Variants in PPP1R14D observed in about 807,000 individuals in gnomAD.
PPP1R14D encodes protein phosphatase 1 regulatory inhibitor subunit 14D, also known as protein phosphatase 1 regulatory subunit 14D.
Under a neutral mutation model 17.1 loss-of-function variants are expected in PPP1R14D, and 14 were observed. That is an observed-to-expected ratio of 0.82 (90% CI 0.54 to 1.28). PPP1R14D has a LOEUF of 1.28. PPP1R14D is among the 50% of genes most tolerant of loss of function. The pLI is 0.00. For synonymous variants in PPP1R14D, 67 were observed against 66.1 expected (o/e 1.01, Z -0.06); for missense variants, 173 against 179.2 (o/e 0.97, Z 0.20).
rs1890751976 is a variant in PPP1R14D at position 40,820,241 on chromosome 15, C to T, written c.256-3988G>A. Among the ~76,000 whole-genome samples the T allele has an allele frequency of 2.0e-5, 3 of 151,750 alleles. No homozygotes were observed. In the South Asian group the frequency reaches 6.2e-4, roughly 32 times the overall value. ...TGGTGCGATCTCGGCTTACTGCAAC[C>T]TCTGCCTCCCAGGGTGAAGCAATTC... On this transcript the variant is annotated intron_variant, in intron 1 of 3. Transcript: ENST00000299174.
chr15:40,821,152 T>C (rs1890769528), intron 1 of PPP1R14D, among the ~76,000 whole-genome samples: 1 of 151,820 alleles, frequency 6.6e-6, no homozygotes, highest in Non-Finnish European at 1.5e-5. Flanking sequence ...CTGGCTAACA[T>C]GGTGAAACCC....
At chr15:40,819,321 A>T (rs1385478176) in intron 1 of PPP1R14D, among the ~76,000 whole-genome samples, 1 of 152,148 alleles carries the variant, frequency 6.6e-6, no homozygotes, top group Non-Finnish European at 1.5e-5. Flanking sequence ...GCTGAGGCAG[A>T]TGGATCACTT....
rs374066131 is a variant in PPP1R14D at position 40,816,269 on chromosome 15, A to G, written c.256-16T>C. ...TTGCTTGATCCTATTTGGAAATCAC[A>G]TGGGTCTCAGAGGGGCCTGACCAGC... On this transcript the variant is annotated splice_polypyrimidine_tract_variant and intron_variant, in intron 1 of 3. Coordinates refer to ENST00000299174, the MANE Select transcript of PPP1R14D (RefSeq NM_017726.8). The G allele has an allele frequency of 2.1e-5, 34 of 1,609,118 alleles. No homozygotes were observed. In the African/African-American group the frequency reaches 3.7e-4, roughly 18 times the overall value.
chr15:40,820,296 T>C (rs1226147297), intron 1 of PPP1R14D, among the ~76,000 whole-genome samples: 1 of 151,312 alleles, frequency 6.6e-6, no homozygotes. Context: ...GTAGCTGAGA[T>C]TATAGGTGCT....
chr15:40,828,691 A>G lies in PPP1R14D; in HGVS notation c.-50T>C. ...CTGGGAAAAACCGCCAGTTCTGAGCAGAGCCACAGAGGGAAGTGAGGAGAC... is the reference window on the plus strand; with the variant it reads ...CTGGGAAAAACCGCCAGTTCTGAGCGGAGCCACAGAGGGAAGTGAGGAGAC... On this transcript the variant is annotated 5_prime_UTR_variant, in exon 1 of 4. Coordinates refer to ENST00000299174, the MANE Select transcript of PPP1R14D (RefSeq NM_017726.8). The G allele has an allele frequency of 6.5e-7, 1 of 1,542,002 alleles. No individual in the cohort carries two copies. The highest frequency in any genetic ancestry group is 8.7e-7 in the Non-Finnish European group (1 of 1,144,152).
intron 1 of PPP1R14D, 65 bp from the exon 2 acceptor site, chr15:40,816,318 T>G: frequency 1.5e-6 from 2 of 1,350,648 alleles, no homozygotes; most frequent in East Asian, 2.3e-5. Context: ...AAGGTTACTG[T>G]CAGGGACTCA....
At chr15:40,821,199 G>T (rs1489780801) in intron 1 of PPP1R14D, among the ~76,000 whole-genome samples, 1 of 151,668 alleles carries the variant, frequency 6.6e-6, no homozygotes, top group Non-Finnish European at 1.5e-5. Flanking sequence ...GCCAGACATG[G>T]TGCGCATGCC....
intron 1 of PPP1R14D, among the ~76,000 whole-genome samples, chr15:40,822,917 G>T (rs1890804815): frequency 6.7e-6 from 1 of 150,268 alleles, no homozygotes; most frequent in African/African-American, 2.5e-5. Flanking sequence ...TCCTACCTCA[G>T]CCTCTCAAGT....
chr15:40,816,599 G>A (rs1890671468), intron 1 of PPP1R14D, among the ~76,000 whole-genome samples: 2 of 151,874 alleles, frequency 1.3e-5, no homozygotes, highest in African/African-American at 4.8e-5. Context: ...TGTAATCCCA[G>A]CTACTTGGGA....
chr15:40,816,167 T>G lies in PPP1R14D; in HGVS notation c.339+3A>C. 6.2e-7 allele frequency: 1 copy of G among 1,613,984 alleles called. No individual in the cohort carries two copies. Among genetic ancestry groups the G allele is most frequent in the East Asian group, 2.2e-5 (1 of 44,884 alleles). The stretch of plus-strand genomic sequence containing the variant: ...CAAGGCCAGCTTCTAGCCCCCATCC[T>G]ACCTCCAGCTGAGTCTTCTGCTCCT... On this transcript the variant is annotated splice_donor_region_variant and intron_variant, in intron 2 of 3. Coordinates refer to ENST00000299174, the MANE Select transcript of PPP1R14D (RefSeq NM_017726.8).
chr15:40,828,477 G>T lies in PPP1R14D; in HGVS notation c.165C>A (p.Ser55Arg). The part of the protein sequence containing the change: ...SSKIPRSRRP[S>R]RLTVKYDRGQ... ...CCCGGTCATACTTCACTGTCAGGCG[G>T]CTGGGTCTCCGGGACCTGGGTATCT... The change falls in exon 1 of 4, where the codon AGC becomes AGA. Residue 55 changes from serine (S) to arginine (R), a missense_variant. By Grantham distance (110) the Ser-to-Arg change is moderately radical. Transcript: ENST00000299174. The T allele has an allele frequency of 6.2e-7, 1 of 1,614,200 alleles. No homozygotes were observed. The highest frequency in any genetic ancestry group is 8.5e-7 in the Non-Finnish European group (1 of 1,180,030).
In PPP1R14D at chr15:40,826,521, C is replaced by A. The variant is rs544780381; in HGVS notation, c.255+1866G>T. ...AAATTCAGTTGAGGAGGAGCCAGGGCATCTGTTTTTTTTCTTAAGTATTTC... is the reference window on the plus strand; with the variant it reads ...AAATTCAGTTGAGGAGGAGCCAGGGAATCTGTTTTTTTTCTTAAGTATTTC... On this transcript the variant is annotated intron_variant, in intron 1 of 3. Transcript: ENST00000299174. Among the ~76,000 whole-genome samples, 9 of 152,244 alleles carry A rather than the reference C, an allele frequency of 5.9e-5. 1 individual carries two copies. The East Asian group carries it at 1.7e-3, about 29-fold the overall frequency.
chr15:40,820,688 C>T (rs12437974), intron 1 of PPP1R14D, among the ~76,000 whole-genome samples: 2,627 of 147,746 alleles, frequency 0.018, 291 homozygotes, highest in Admixed American at 0.16. Context: ...TGGTGAACCC[C>T]GTCTCTACTA....
intron 3 of PPP1R14D, 29 bp downstream of exon 3, chr15:40,815,933 C>T (rs1890651891): frequency 6.2e-7 from 1 of 1,612,938 alleles, no homozygotes; most frequent in South Asian, 1.1e-5. Context: ...CCTCCTCTTA[C>T]CCCAGACCAG....
In PPP1R14D at chr15:40,828,621, A is replaced by G; in HGVS notation, c.21T>C (p.Ala7=). Residue 7 remains alanine, a synonymous_variant, in exon 1 of 4, where the codon GCT becomes GCC. Coordinates refer to ENST00000299174, the MANE Select transcript of PPP1R14D (RefSeq NM_017726.8). MLSSSP[A]SCTSPSPDGE... is the part of the protein sequence containing the mutation. ...CATCTGGGCTGGGAGATGTGCAGGAAGCAGGGCTTGAAGACAGCATGGAAG... is the reference window on the plus strand; with the variant it reads ...CATCTGGGCTGGGAGATGTGCAGGAGGCAGGGCTTGAAGACAGCATGGAAG... 1 of 1,612,980 alleles carries G rather than the reference A, an allele frequency of 6.2e-7. No homozygotes were observed. Among genetic ancestry groups the G allele is most frequent in the Non-Finnish European group, 8.5e-7 (1 of 1,179,308 alleles).
rs756767943 is a variant in PPP1R14D at position 40,828,476 on chromosome 15, G to A, written c.166C>T (p.Arg56Cys). The A allele has an allele frequency of 6.8e-6, 11 of 1,614,170 alleles. No individual in the cohort carries two copies. The highest frequency in any genetic ancestry group is 5.5e-5 in the South Asian group (5 of 91,076). Residue 56 changes from arginine (R) to cysteine (C), a missense_variant, in exon 1 of 4, where the codon CGC (arginine) becomes TGC (cysteine). Arg to Cys is a radical substitution (Grantham distance 180). Coordinates refer to ENST00000299174, the MANE Select transcript of PPP1R14D (RefSeq NM_017726.8). ...CCCCGGTCATACTTCACTGTCAGGC[G>A]GCTGGGTCTCCGGGACCTGGGTATC... ...SKIPRSRRPS[R>C]LTVKYDRGQL...
At chr15:40,816,982 G>A (rs1437131588) in intron 1 of PPP1R14D, among the ~76,000 whole-genome samples, 1 of 152,176 alleles carries the variant, frequency 6.6e-6, no homozygotes, top group African/African-American at 2.4e-5. Context: ...TGAGGCAGGA[G>A]AATGGCTTCA....
intron 1 of PPP1R14D, 128 bp downstream of exon 1, chr15:40,828,259 T>C (rs1029823130): frequency 3.3e-5 from 42 of 1,258,552 alleles, no homozygotes; most frequent in Admixed American, 4.8e-5. Context: ...CTTCTTTCTT[T>C]CATCAGTTAC....
At chr15:40,816,669 G>C (rs995314646) in intron 1 of PPP1R14D, among the ~76,000 whole-genome samples, 1 of 152,044 alleles carries the variant, frequency 6.6e-6, no homozygotes, top group Non-Finnish European at 1.5e-5. Flanking sequence ...GCAGTGAGCC[G>C]AGATTGTGCC....
Sources: allele counts gnomAD v4.1 joint callset (sites outside exome capture counted in the v4.1 genomes callset), GRCh38; gene constraint gnomAD v4.1.1; transcripts MANE v1.5; gene names NCBI Gene and HGNC (gene_info 2026-07-23, HGNC 2026-07-21).